Variants in FER1L6 observed in about 807,000 individuals in gnomAD.
The protein encoded by FER1L6 is fer-1 like family member 6, also known as fer-1-like protein 6.
A neutral mutation model predicts 219.2 loss-of-function variants in FER1L6; 177 were observed. The ratio of observed to expected loss-of-function variants is 0.81; its 90% CI spans 0.71 to 0.91. The LOEUF is 0.91. FER1L6 is among the 40% of genes least tolerant of loss of function. The pLI is 0.00. For synonymous variants in FER1L6, 768 were observed against 824.3 expected (o/e 0.93, Z 1.17); for missense variants, 2,153 against 2,259.9 (o/e 0.95, Z 0.96).
At chr8:124,009,560 G>A (rs984481188) in intron 13 of FER1L6, among the ~76,000 whole-genome samples, 1 of 151,294 alleles carries the variant, frequency 6.6e-6, no homozygotes, top group Non-Finnish European at 1.5e-5. Context: ...AGATGGTGCT[G>A]CTGTTCTAAT....
At chr8:123,956,275 G>A (rs1815015221) in intron 2 of FER1L6, among the ~76,000 whole-genome samples, 1 of 152,234 alleles carries the variant, frequency 6.6e-6, no homozygotes, top group African/African-American at 2.4e-5. Context: ...CCAAACAGGT[G>A]AGTGGGCATG....
At chr8:124,009,989 C>G (rs71336583) in intron 13 of FER1L6, among the ~76,000 whole-genome samples, 2 of 136,248 alleles carry the variant, frequency 1.5e-5, no homozygotes, top group Admixed American at 7.2e-5. Context: ...TGAGGGTCTG[C>G]AAGCTGGCGA....
At chr8:123,998,125 TG>T (rs1484985267) in intron 12 of FER1L6, among the ~76,000 whole-genome samples, 1 of 152,282 alleles carries the variant, frequency 6.6e-6, no homozygotes, top group East Asian at 1.9e-4. Flanking sequence ...CTTTGTAGTC[TG>T]GGGTTGTTTG....
At chr8:123,978,035 A>G (rs1816170982) in intron 10 of FER1L6, among the ~76,000 whole-genome samples, 1 of 152,114 alleles carries the variant, frequency 6.6e-6, no homozygotes, top group South Asian at 2.1e-4. Flanking sequence ...CCTTCCAGGT[A>G]TTAGGCACTT....
intron 39 of FER1L6, among the ~76,000 whole-genome samples, chr8:124,109,230 C>T (rs1011257341): frequency 6.6e-6 from 1 of 152,180 alleles, no homozygotes; most frequent in Admixed American, 6.5e-5. Flanking sequence ...GTCTGATTTA[C>T]AGAGGGCTCA....
At chr8:124,113,295 G>T (rs1406962966) in intron 39 of FER1L6, among the ~76,000 whole-genome samples, 2 of 151,804 alleles carry the variant, frequency 1.3e-5, no homozygotes, top group African/African-American at 2.4e-5. Flanking sequence ...TATTTATTTT[G>T]TCAATATATT....
chr8:123,912,276 GT>G (rs1326914714), intron 1 of FER1L6, among the ~76,000 whole-genome samples: 1 of 96,166 alleles, frequency 1.0e-5, no homozygotes, highest in African/African-American at 4.1e-5. Flanking sequence ...ACTTGTCAAT[GT>G]TTAAAAAAAA....
chr8:123,966,343 A>T, intron 5 of FER1L6, 53 bp downstream of exon 5: 1 of 1,602,148 alleles, frequency 6.2e-7, no homozygotes, highest in Non-Finnish European at 8.5e-7. Flanking sequence ...CTTCACCACC[A>T]TTCTGCAGGA....
intron 11 of FER1L6, chr8:123,985,477 G>A (rs1233092632): frequency 6.6e-6 from 1 of 152,516 alleles, no homozygotes. Flanking sequence ...GTGAATACAT[G>A]TTCAAGTTCA....
chr8:124,090,162 C>T (rs1417916101), intron 33 of FER1L6, among the ~76,000 whole-genome samples: 4 of 152,126 alleles, frequency 2.6e-5, no homozygotes, highest in Admixed American at 6.5e-5. Context: ...CAATTTACAC[C>T]GTAACAGACT....
At chr8:124,110,395 A>G (rs903162423) in intron 39 of FER1L6, among the ~76,000 whole-genome samples, 1 of 152,206 alleles carries the variant, frequency 6.6e-6, no homozygotes, top group Non-Finnish European at 1.5e-5. Flanking sequence ...GTTCACTTCT[A>G]CACTCTTGAG....
chr8:124,036,003 C>T (rs943523249), intron 19 of FER1L6: 1 of 152,168 alleles, frequency 6.6e-6, no homozygotes, highest in African/African-American at 2.4e-5. Context: ...CTGTAAGTGC[C>T]ATCATGTTTA....
At chr8:123,948,293 T>A (rs1814591864) in intron 1 of FER1L6, among the ~76,000 whole-genome samples, 1 of 152,194 alleles carries the variant, frequency 6.6e-6, no homozygotes, top group African/African-American at 2.4e-5. Context: ...AGCCAGGGCT[T>A]TCAATCTGAA....
intron 29 of FER1L6, among the ~76,000 whole-genome samples, chr8:124,069,684 G>A (rs1820984953): frequency 6.6e-6 from 1 of 152,188 alleles, no homozygotes; most frequent in Admixed American, 6.5e-5. Flanking sequence ...TATTGAGAAG[G>A]GGTGTAACTT....
chr8:124,081,542 C>T (rs1042633827), intron 32 of FER1L6, among the ~76,000 whole-genome samples: 2 of 144,150 alleles, frequency 1.4e-5, no homozygotes, highest in Admixed American at 7.3e-5. Context: ...TTACAGTTCA[C>T]GGAAACATTT....
chr8:123,936,446 AAG>A (rs756023360), intron 1 of FER1L6, among the ~76,000 whole-genome samples: 87 of 149,394 alleles, frequency 5.8e-4, no homozygotes, highest in Non-Finnish European at 9.2e-4. Flanking sequence ...TTTTAGATAA[AAG>A]ATAATTGCAG....
chr8:123,894,923 C>A (rs1213936256), intron 1 of FER1L6, among the ~76,000 whole-genome samples: 3 of 152,150 alleles, frequency 2.0e-5, no homozygotes, highest in African/African-American at 7.2e-5. Flanking sequence ...TTGATATAAA[C>A]AAGTGCTAAA....
chr8:124,106,179 A>G (rs1822762824), intron 39 of FER1L6, among the ~76,000 whole-genome samples: 2 of 152,038 alleles, frequency 1.3e-5, no homozygotes, highest in South Asian at 4.2e-4. Context: ...AATACAAAAA[A>G]TTAGCTGGGC....
chr8:124,003,480 T>TGG (rs1163642984), intron 13 of FER1L6, 133 bp downstream of exon 13: 44 of 607,596 alleles, frequency 7.2e-5, no homozygotes, highest in Admixed American at 1.0e-4. Context: ...TTTTTTTTTT[T>TGG]TGAGACGGAG....
Sources: allele counts gnomAD v4.1 joint callset (sites outside exome capture counted in the v4.1 genomes callset), GRCh38; gene constraint gnomAD v4.1.1; transcripts MANE v1.5; gene names NCBI Gene and HGNC (gene_info 2026-07-23, HGNC 2026-07-21).